Variants in PCDH15 observed in about 807,000 individuals in gnomAD.
The protein encoded by PCDH15 is protocadherin related 15.
In PCDH15, 129 loss-of-function variants were observed where a neutral mutation model predicts 178.5. That is an observed-to-expected ratio of 0.72 (90% CI 0.63 to 0.84). PCDH15 has a LOEUF of 0.84. PCDH15 is among the 40% of genes least tolerant of loss of function. The pLI is 0.00. For synonymous variants in PCDH15, 800 were observed against 732.0 expected, an observed-to-expected ratio of 1.09 and a Z score of -1.50; for missense variants, 2,230 against 2,099.9, an observed-to-expected ratio of 1.06 and a Z score of -1.21.
chr10:53,923,659 C>A (rs1287822621), intron 25 of PCDH15, among the ~76,000 whole-genome samples: 2 of 152,188 alleles, frequency 1.3e-5, no homozygotes, highest in South Asian at 2.1e-4. Context: ...TTATTTGGCA[C>A]TAGCTATAGT....
chr10:55,346,871 G>A (rs1844771839), intron 2 of PCDH15, among the ~76,000 whole-genome samples: 1 of 151,774 alleles, frequency 6.6e-6, no homozygotes, highest in South Asian at 2.1e-4. Flanking sequence ...GGAGAAGTTG[G>A]GATATTAGAG....
chr10:54,306,476 T>C (rs1489637151), intron 8 of PCDH15, among the ~76,000 whole-genome samples: 1 of 151,982 alleles, frequency 6.6e-6, no homozygotes, highest in Non-Finnish European at 1.5e-5. Flanking sequence ...TCATAGTTTG[T>C]GTCCAAAAAT....
rs371117799 is a variant in PCDH15, at chr10:54,169,760, C to T, written c.1590+13684G>A. On this transcript the variant is annotated intron_variant, in intron 13 of 37. Coordinates refer to ENST00000644397, the MANE Select transcript of PCDH15 (RefSeq NM_001384140.1). ...AACGCCGACATCCCATCCCGCAGCA[C>T]GCTTTAAAAAGATTAAAGCCTGTTA... is the stretch of plus-strand genomic sequence containing the variant. Among the ~76,000 whole-genome samples the T allele has an allele frequency of 5.3e-3, 799 of 151,426 alleles. 2 individuals carry two copies. Among genetic ancestry groups the T allele is most frequent in the Non-Finnish European group, 6.8e-3 (462 of 67,938 alleles).
intron 16 of PCDH15, among the ~76,000 whole-genome samples, chr10:54,086,087 G>A (rs769385009): frequency 3.6e-4 from 54 of 152,052 alleles, no homozygotes; most frequent in Non-Finnish European, 6.5e-4. Flanking sequence ...ACTTATGGCT[G>A]GGTAATTTAT....
intron 28 of PCDH15, among the ~76,000 whole-genome samples, chr10:53,841,438 C>T (rs2077639611): frequency 6.6e-6 from 1 of 152,050 alleles, no homozygotes; most frequent in Admixed American, 6.6e-5. Context: ...CAGAAAATAA[C>T]TTTTGCTTCT....
intron 24 of PCDH15, among the ~76,000 whole-genome samples, chr10:53,939,748 T>G (rs893771371): frequency 6.6e-6 from 1 of 152,096 alleles, no homozygotes; most frequent in African/African-American, 2.4e-5. Flanking sequence ...TCAGTACATA[T>G]TTGTTGAATA....
At chr10:54,313,111 A>G (rs1285737355) in intron 8 of PCDH15, among the ~76,000 whole-genome samples, 1 of 152,220 alleles carries the variant, frequency 6.6e-6, no homozygotes, top group African/African-American at 2.4e-5. Context: ...AGAAAATAAA[A>G]GAGTAATTGT....
In PCDH15 at chr10:55,518,253, T is replaced by A. The variant is rs141783957; in HGVS notation, c.-156+109372A>T. ...CTGTCTATACAAATTGCATGTCAGT[T>A]CATGCTGAACTCTTTTTGATATTGC... is the stretch of plus-strand genomic sequence containing the variant. On this transcript the variant is annotated intron_variant, in intron 2 of 5. Transcript: ENST00000613346. Among the ~76,000 whole-genome samples the A allele has an allele frequency of 1.8e-3, 279 of 152,248 alleles. 4 individuals are homozygous for A. In the East Asian group the frequency reaches 0.042, roughly 23 times the overall value.
intron 8 of PCDH15, among the ~76,000 whole-genome samples, chr10:54,237,855 G>A (rs578017120): frequency 1.3e-5 from 2 of 152,288 alleles, no homozygotes; most frequent in African/African-American, 4.8e-5. Context: ...ATTAAATACA[G>A]TTTTGAAAGC....
intron 2 of PCDH15, among the ~76,000 whole-genome samples, chr10:54,995,931 T>C (rs1839632848): frequency 6.6e-6 from 1 of 152,194 alleles, no homozygotes; most frequent in South Asian, 2.1e-4. Context: ...CTAATTTCAG[T>C]TGGTTGAAGA....
chr10:53,898,472 T>G (rs1043043435), intron 26 of PCDH15, among the ~76,000 whole-genome samples: 1 of 152,218 alleles, frequency 6.6e-6, no homozygotes, highest in Non-Finnish European at 1.5e-5. Flanking sequence ...ATAATTAAAA[T>G]GACTGATTAC....
chr10:55,571,178 T>G (rs1269314636), intron 2 of PCDH15, among the ~76,000 whole-genome samples: 1 of 152,002 alleles, frequency 6.6e-6, no homozygotes, highest in Non-Finnish European at 1.5e-5. Context: ...ACTTCACCAC[T>G]CACTCTCTTG....
chr10:54,968,890 TA>T (rs757995959), intron 2 of PCDH15, among the ~76,000 whole-genome samples: 13 of 152,174 alleles, frequency 8.5e-5, no homozygotes, highest in South Asian at 2.1e-4. Context: ...CAAACGTGTT[TA>T]TTTTTTTGTT....
At chr10:54,339,826 T>C (rs1941899796) in intron 6 of PCDH15, among the ~76,000 whole-genome samples, 1 of 152,200 alleles carries the variant, frequency 6.6e-6, no homozygotes, top group Non-Finnish European at 1.5e-5. Context: ...CACCCTGACT[T>C]GTCTTCAGCA....
intron 2 of PCDH15, among the ~76,000 whole-genome samples, chr10:55,508,215 A>C (rs1188432223): frequency 1.3e-5 from 2 of 151,752 alleles, no homozygotes; most frequent in Non-Finnish European, 2.9e-5. Context: ...AAATGCATAC[A>C]TGCCTGCATT....
At chr10:55,333,223 C>T (rs1844260808) in intron 2 of PCDH15, among the ~76,000 whole-genome samples, 1 of 152,000 alleles carries the variant, frequency 6.6e-6, no homozygotes, top group African/African-American at 2.4e-5. Flanking sequence ...GTACCCAGCA[C>T]CATAGAATAA....
At chr10:55,575,147 A>G (rs1041993432) in intron 2 of PCDH15, among the ~76,000 whole-genome samples, 1 of 152,078 alleles carries the variant, frequency 6.6e-6, no homozygotes, top group African/African-American at 2.4e-5. Flanking sequence ...GATCTGAATC[A>G]GTTTAGTAAT....
intron 2 of PCDH15, among the ~76,000 whole-genome samples, chr10:54,976,047 A>G (rs1013904651): frequency 1.3e-5 from 2 of 152,184 alleles, no homozygotes; most frequent in African/African-American, 2.4e-5. Flanking sequence ...AAAGTGTATG[A>G]AAACAACTGG....
chr10:54,667,350 CAA>C (rs2094587478), intron 1 of PCDH15, among the ~76,000 whole-genome samples: 2 of 151,792 alleles, frequency 1.3e-5, no homozygotes, highest in Admixed American at 6.6e-5. Flanking sequence ...AGTTTCTAAA[CAA>C]AGATATAATG....
Sources: gnomAD v4.1 joint callset for allele counts (sites outside exome capture counted in the v4.1 genomes callset) on GRCh38, gnomAD v4.1.1 for gene constraint, MANE v1.5 for transcripts, NCBI Gene and HGNC (gene_info 2026-07-23, HGNC 2026-07-21) for gene names.